Variants in MAMLD1 observed in about 807,000 individuals in gnomAD.
MAMLD1 encodes mastermind-like domain-containing protein 1.
A neutral mutation model predicts 45.0 loss-of-function variants in MAMLD1; 14 were observed. The ratio of observed to expected loss-of-function variants is 0.31; its 90% CI spans 0.21 to 0.49. The LOEUF (loss-of-function observed/expected upper bound fraction) is 0.49, where lower values mean the gene tolerates loss of function less well. Ranked by LOEUF, MAMLD1 falls within the 20% of genes least tolerant of loss-of-function variation. The pLI, the probability that MAMLD1 is intolerant of heterozygous loss-of-function variation, is 0.99. For missense variants in MAMLD1, 543 were observed against 603.6 expected (o/e 0.90, Z 1.05); for synonymous variants, 254 against 247.8 (o/e 1.02, Z -0.24).
intron 1 of MAMLD1, among the ~76,000 whole-genome samples, chrX:150,412,400 C>G (rs182740605): frequency 9.0e-6 from 1 of 110,818 alleles, no homozygotes; most frequent in Admixed American, 9.6e-5. Flanking sequence ...AAATCTACCT[C>G]TTCAGCTCCA....
At chrX:150,475,753 T>A (rs2036564541) in intron 5 of MAMLD1, among the ~76,000 whole-genome samples, 1 of 111,694 alleles carries the variant, frequency 9.0e-6, no homozygotes, top group African/African-American at 3.3e-5. Flanking sequence ...AATAGTCCCC[T>A]TCACATAGGG....
At chrX:150,450,969 C>G (rs2035644968) in intron 2 of MAMLD1, among the ~76,000 whole-genome samples, 1 of 112,880 alleles carries the variant, frequency 8.9e-6, no homozygotes, top group Admixed American at 9.3e-5. Flanking sequence ...TCCAGACACC[C>G]AACTGGGGTG....
At chrX:150,415,218 C>T (rs1205443917) in intron 1 of MAMLD1, among the ~76,000 whole-genome samples, 2 of 112,807 alleles carry the variant, frequency 1.8e-5, no homozygotes, top group East Asian at 5.6e-4. Context: ...TATTGACCTT[C>T]GCAGATGTGT....
At chrX:150,386,589 T>C (rs2032939598) in intron 1 of MAMLD1, among the ~76,000 whole-genome samples, 1 of 111,815 alleles carries the variant, frequency 8.9e-6, no homozygotes, top group Non-Finnish European at 1.9e-5. Context: ...AGAAAAAAAT[T>C]TTTTTATTGT....
rs951498578 is a variant in MAMLD1 at position 150,513,965 on chromosome X, G to T, written c.*2006G>T. On this transcript the variant is annotated 3_prime_UTR_variant, in exon 8 of 8. Coordinates refer to ENST00000370401, the MANE Select transcript of MAMLD1 (RefSeq NM_005491.5). ...AGTTGATTTGGGGTTTGTCTTTGAT[G>T]GTTTCTATCTGCAATTATCGTCATG... 3.4e-6 allele frequency: 1 copy of T among 294,248 alleles called. No homozygotes were observed. Among genetic ancestry groups the T allele is most frequent in the African/African-American group, 2.7e-5 (1 of 36,409 alleles). 24.2% of individuals were successfully genotyped at this position (294,248 alleles called of 1,213,427 possible). A position where few individuals can be genotyped will look rare whatever the true frequency, so the allele number is the denominator to read the frequency against.
intron 1 of MAMLD1, among the ~76,000 whole-genome samples, chrX:150,411,650 GCTGT>G (rs1569564701): frequency 1.8e-5 from 2 of 111,589 alleles, no homozygotes; most frequent in East Asian, 5.6e-4. Flanking sequence ...TTGCTCAGAG[GCTGT>G]CTGTCATGTC....
intron 1 of MAMLD1, among the ~76,000 whole-genome samples, chrX:150,390,925 T>C (rs1204740289): frequency 8.9e-6 from 1 of 112,119 alleles, no homozygotes; most frequent in East Asian, 2.8e-4. Flanking sequence ...GAAGGATATT[T>C]TTGCCAGATA....
intron 2 of MAMLD1, among the ~76,000 whole-genome samples, chrX:150,459,290 C>T (rs184113193): frequency 3.1e-4 from 35 of 112,165 alleles, no homozygotes; most frequent in Non-Finnish European, 5.6e-4. Flanking sequence ...TAAGGTTACA[C>T]TGAAGATGAA....
chrX:150,389,972 G>A (rs1335149571), intron 1 of MAMLD1, among the ~76,000 whole-genome samples: 5 of 112,398 alleles, frequency 4.4e-5, no homozygotes, highest in African/African-American at 1.6e-4. Context: ...ATATTTGCAT[G>A]GTATGTTTTC....
intron 5 of MAMLD1, among the ~76,000 whole-genome samples, chrX:150,476,772 C>T (rs892669137): frequency 4.4e-5 from 5 of 112,864 alleles, no homozygotes; most frequent in Middle Eastern, 4.2e-3. Context: ...TGGATTAAGC[C>T]CCTACTGGGT....
At chrX:150,440,736 T>A (rs1409702454) in intron 1 of MAMLD1, among the ~76,000 whole-genome samples, 1 of 108,276 alleles carries the variant, frequency 9.2e-6, no homozygotes, top group African/African-American at 3.3e-5. Context: ...CTTCCCTTTT[T>A]CCTTTGTCAG....
At chrX:150,406,765 G>C (rs2034007819) in intron 1 of MAMLD1, among the ~76,000 whole-genome samples, 1 of 111,483 alleles carries the variant, frequency 9.0e-6, no homozygotes, top group Non-Finnish European at 1.9e-5. Flanking sequence ...AGTACCCCTA[G>C]AAGAGTGGTC....
intron 5 of MAMLD1, among the ~76,000 whole-genome samples, chrX:150,491,135 G>GT (rs782718902): frequency 4.5e-4 from 50 of 111,264 alleles, no homozygotes; most frequent in African/African-American, 1.5e-3. Context: ...ATTTCTGTTT[G>GT]TTTTTTCATC....
intron 5 of MAMLD1, among the ~76,000 whole-genome samples, chrX:150,495,813 CTTGGGAAGA>C (rs1160127312): frequency 1.8e-5 from 2 of 112,418 alleles, no homozygotes; most frequent in African/African-American, 6.5e-5. Context: ...CCTCCTGAGG[CTTGGGAAGA>C]TTCTGCCGTA....
At chrX:150,500,363 T>G in intron 5 of MAMLD1, among the ~76,000 whole-genome samples, 1 of 110,794 alleles carries the variant, frequency 9.0e-6, no homozygotes, top group South Asian at 3.9e-4. Context: ...TACGTGACAT[T>G]ATGGAACGCA....
chrX:150,374,891 C>A (rs782375899), intron 1 of MAMLD1, among the ~76,000 whole-genome samples: 2 of 111,231 alleles, frequency 1.8e-5, no homozygotes, highest in Non-Finnish European at 3.8e-5. Flanking sequence ...CTGGGTGTCT[C>A]TCTCATAGTC....
At chrX:150,447,077 G>A (rs1297209916) in intron 2 of MAMLD1, among the ~76,000 whole-genome samples, 1 of 112,222 alleles carries the variant, frequency 8.9e-6, no homozygotes, top group African/African-American at 3.2e-5. Context: ...ATTCCAGTGG[G>A]GGTTGTCCTT....
intron 2 of MAMLD1, among the ~76,000 whole-genome samples, chrX:150,457,789 G>A (rs7065792): frequency 0.011 from 1,254 of 112,132 alleles, 12 homozygotes; most frequent in African/African-American, 0.037. Flanking sequence ...TAGAGACAGA[G>A]GGTAGATAAA....
At position 150,470,918 on chromosome X, in the gene MAMLD1, G is replaced by A. The variant is rs782732801; in HGVS notation, c.1345G>A (p.Ala449Thr). 14 of 1,209,715 alleles carry A rather than the reference G, an allele frequency of 1.2e-5. No individual in the cohort carries two copies. The African/African-American group carries it at 2.1e-4, about 18-fold the overall frequency. Residue 449 changes from alanine to threonine, a missense_variant, in exon 4 of 8, where the codon GCC becomes ACC. Coordinates refer to ENST00000370401, the MANE Select transcript of MAMLD1 (RefSeq NM_005491.5). Reference protein sequence around the residue: ...PQGHLMSALPASNPGPSPPYR... With the variant: ...PQGHLMSALPTSNPGPSPPYR... ...AGGACACCTGATGTCTGCTCTGCCTGCCAGCAACCCTGGGCCGTCCCCACC... is the reference window on the plus strand; with the variant it reads ...AGGACACCTGATGTCTGCTCTGCCTACCAGCAACCCTGGGCCGTCCCCACC...
Sources: allele counts gnomAD v4.1 joint callset (sites outside exome capture counted in the v4.1 genomes callset), GRCh38; gene constraint gnomAD v4.1.1; transcripts MANE v1.5; gene names NCBI Gene and HGNC (gene_info 2026-07-23, HGNC 2026-07-21).